ZNF445: variants seen among roughly 807,000 people sequenced by gnomAD.
The protein encoded by ZNF445 is zinc finger protein 168.
ZNF445 carries 19 observed loss-of-function variants against 93.9 expected under a neutral mutation model. The observed-to-expected ratio is 0.20, with a 90% CI of 0.14 to 0.30. The LOEUF (loss-of-function observed/expected upper bound fraction) is 0.30. Among genes scored for constraint, ZNF445 ranks in the 10% least tolerant of loss-of-function variants. The probability of loss-of-function intolerance (pLI) is 1.00; values close to 1 mark genes in which losing one functional copy is unlikely to be tolerated. For synonymous variants in ZNF445, 449 were observed against 446.3 expected (o/e 1.01, Z -0.08); for missense variants, 1,058 against 1,259.4 (o/e 0.84, Z 2.42).
rs1035518314 is a variant in ZNF445, at chr3:44,435,161, A to C, written c.*11414T>G. Reference sequence around the variant, plus strand: ...TATGACTGCATTTTTCCCCACTGCCAATCACCTTTCCCCATGCCTCAGACC... The same window carrying C: ...TATGACTGCATTTTTCCCCACTGCCCATCACCTTTCCCCATGCCTCAGACC... On this transcript the variant is annotated 3_prime_UTR_variant, in exon 8 of 8. Transcript: ENST00000396077. 1 of 152,156 alleles carries C rather than the reference A, an allele frequency of 6.6e-6. No individual in the cohort carries two copies. The highest frequency in any genetic ancestry group is 2.4e-5 in the African/African-American group (1 of 41,432). The allele number at this position is 152,156 out of a possible 1,614,324, so 9.4% of individuals were successfully genotyped here.
intron 2 of ZNF445, among the ~76,000 whole-genome samples, chr3:44,456,400 G>C (rs1698028488): frequency 6.6e-6 from 1 of 152,142 alleles, no homozygotes; most frequent in East Asian, 1.9e-4. Flanking sequence ...CTGGGCAACA[G>C]AGCAAGGGTC....
At position 44,433,734 on chromosome 3, in the gene ZNF445, G is replaced by C. The variant is rs572967417; in HGVS notation, c.*12841C>G. 1 of 152,254 alleles carries C rather than the reference G, an allele frequency of 6.6e-6. No homozygotes were observed. Among genetic ancestry groups the C allele is most frequent in the Admixed American group, 6.5e-5 (1 of 15,294 alleles). The allele number at this position is 152,254 out of a possible 1,614,324, so 9.4% of individuals were successfully genotyped here. A position where few individuals can be genotyped will look rare whatever the true frequency, so the allele number is the denominator to read the frequency against. On this transcript the variant is annotated 3_prime_UTR_variant, in exon 8 of 8. Transcript: ENST00000396077. Reference sequence around the variant, plus strand: ...CGCCATGGCAAAAGCATCTCCATCAGGCAGGACTGGCTTCACAGGCAGGCA... The same window carrying C: ...CGCCATGGCAAAAGCATCTCCATCACGCAGGACTGGCTTCACAGGCAGGCA...
At position 44,448,054 on chromosome 3, in the gene ZNF445, CTT is replaced by C; in HGVS notation, c.1615_1616del (p.Lys539AlafsTer3). The C allele has an allele frequency of 6.2e-7, 1 of 1,612,174 alleles. No homozygotes were observed. The highest frequency in any genetic ancestry group is 8.5e-7 in the Non-Finnish European group (1 of 1,180,008). On this transcript the variant is annotated frameshift_variant, in exon 8 of 8. Transcript: ENST00000396077. LOFTEE classifies it high-confidence loss of function. ...ARHEKIHTGV[K>X]PYKCDLCEKA... ...TCTCACATAAATCGCATTTATAAGGCTTCACTCCAGTGTGAATTTTCTCATGC... is the reference window on the plus strand; with the variant it reads ...TCTCACATAAATCGCATTTATAAGGCCACTCCAGTGTGAATTTTCTCATGC...
chr3:44,453,783 A>G (rs964135767), intron 3 of ZNF445, among the ~76,000 whole-genome samples: 2 of 152,244 alleles, frequency 1.3e-5, no homozygotes, highest in Non-Finnish European at 2.9e-5. Context: ...AGGGCCAGGC[A>G]CATGATAAGC....
At chr3:44,450,413 G>C in intron 6 of ZNF445, 34 bp downstream of exon 6, 1 of 1,613,876 alleles carries the variant, frequency 6.2e-7, no homozygotes. Flanking sequence ...CAGAAATAAA[G>C]ATGGATAGAA....
intron 1 of ZNF445, among the ~76,000 whole-genome samples, chr3:44,464,842 G>A (rs1455799530): frequency 1.3e-5 from 2 of 152,100 alleles, no homozygotes; most frequent in Admixed American, 6.6e-5. Flanking sequence ...TTGGGAGGCC[G>A]AGGTGGGCAG....
intron 1 of ZNF445, among the ~76,000 whole-genome samples, chr3:44,471,991 G>A (rs1698275751): frequency 6.6e-6 from 1 of 152,172 alleles, no homozygotes; most frequent in African/African-American, 2.4e-5. Flanking sequence ...GTGCGTGCCA[G>A]CAGCACAAAA....
In ZNF445 at chr3:44,448,123, C is replaced by T. The variant is rs1437885757; in HGVS notation, c.1548G>A (p.Arg516=). The change falls in exon 8 of 8, where the codon AGG becomes AGA. Residue 516 remains arginine (R), a synonymous_variant. Transcript: ENST00000396077. ...LHTQEKAFKC[R]VCGKAFRWSS... Reference sequence around the variant, plus strand: ...TCCACCGGAAGGCTTTCCCACACACCCTACATTTAAATGCTTTCTCTTGAG... The same window carrying T: ...TCCACCGGAAGGCTTTCCCACACACTCTACATTTAAATGCTTTCTCTTGAG... 6.2e-7 allele frequency: 1 copy of T among 1,614,080 alleles called. No homozygotes were observed. Among genetic ancestry groups the T allele is most frequent in the Admixed American group, 1.7e-5 (1 of 60,016 alleles).
intron 1 of ZNF445, among the ~76,000 whole-genome samples, chr3:44,462,955 A>G (rs983565177): frequency 6.6e-6 from 1 of 151,130 alleles, no homozygotes; most frequent in Admixed American, 6.6e-5. Flanking sequence ...TCTTCTTGGA[A>G]CTTGTTTTAC....
At chr3:44,473,281 C>T (rs139684648) in intron 1 of ZNF445, among the ~76,000 whole-genome samples, 1 of 151,898 alleles carries the variant, frequency 6.6e-6, no homozygotes, top group Non-Finnish European at 1.5e-5. Context: ...ATGGAGAAAC[C>T]CCGTCTCTAC....
chr3:44,447,495 C>T lies in ZNF445; in HGVS notation c.2176G>A (p.Val726Ile). 1 of 1,614,162 alleles carries T rather than the reference C, an allele frequency of 6.2e-7. No homozygotes were observed. The highest frequency in any genetic ancestry group is 8.5e-7 in the Non-Finnish European group (1 of 1,180,034). ...KDFAYRSAFI[V>I]HKKKHAMKRK... ...TTCATGGCATGCTTCTTCTTATGAA[C>T]AATAAAGGCTGACCTATAGGCAAAG... The change falls in exon 8 of 8, where the codon GTT becomes ATT. Residue 726 changes from valine to isoleucine, a missense_variant. Val to Ile is a conservative substitution (Grantham distance 29, BLOSUM62 3). Coordinates refer to ENST00000396077, the MANE Select transcript of ZNF445 (RefSeq NM_181489.6). This position sits in a 1 kb window ranked among gnomAD's most constrained non-coding sequence, Gnocchi z 4.7.
In ZNF445 at chr3:44,432,585, T is replaced by C. The variant is rs1055251818; in HGVS notation, c.*13990A>G. 2.6e-5 allele frequency: 4 copies of C among 152,176 alleles called. No individual in the cohort carries two copies. The highest frequency in any genetic ancestry group is 4.8e-5 in the African/African-American group (2 of 41,416). 9.4% of individuals were successfully genotyped at this position (152,176 alleles called of 1,614,324 possible). A position where few individuals can be genotyped will look rare whatever the true frequency, so the allele number is the denominator to read the frequency against. ...ATGTTCTCCTCAGGTCTTCAGGTGA[T>C]TGGATGAAGCCCACCCACAGATAGA... On this transcript the variant is annotated 3_prime_UTR_variant, in exon 8 of 8. Coordinates refer to ENST00000396077, the MANE Select transcript of ZNF445 (RefSeq NM_181489.6).
chr3:44,455,101 A>G lies in ZNF445; in HGVS notation c.429+20T>C, dbSNP rs1354390361. 6.2e-7 allele frequency: 1 copy of G among 1,613,826 alleles called. No individual in the cohort carries two copies. The highest frequency in any genetic ancestry group is 8.5e-7 in the Non-Finnish European group (1 of 1,179,954). ...TAGCAGGCAGAGTTCCCTGGGCACC[A>G]CACACTTGCTCACACTCACCCTCCA... On this transcript the variant is annotated intron_variant, in intron 3 of 7. Coordinates refer to ENST00000396077, the MANE Select transcript of ZNF445 (RefSeq NM_181489.6).
chr3:44,457,531 G>C (rs1260757387), intron 2 of ZNF445, among the ~76,000 whole-genome samples: 4 of 152,018 alleles, frequency 2.6e-5, no homozygotes, highest in Non-Finnish European at 4.4e-5. Context: ...TAAGTAGCTG[G>C]GATTACAGGC....
Position 44,431,942 on chromosome 3 carries a change from G to C in ZNF445, c.*14633C>G, listed in dbSNP as rs1559384401. On this transcript the variant is annotated 3_prime_UTR_variant, in exon 8 of 8. Coordinates refer to ENST00000396077, the MANE Select transcript of ZNF445 (RefSeq NM_181489.6). ...TTATTTTTTATTTTTTTGAGACAGG[G>C]TCGCTCTGTCTTCTGGGCACCATTT... The C allele has an allele frequency of 1.3e-5, 2 of 151,972 alleles. No individual in the cohort carries two copies. The highest frequency in any genetic ancestry group is 2.9e-5 in the Non-Finnish European group (2 of 67,992). 9.4% of individuals were successfully genotyped at this position (151,972 alleles called of 1,614,324 possible).
At position 44,445,077 on chromosome 3, in the gene ZNF445, C is replaced by G. The variant is rs560123302; in HGVS notation, c.*1498G>C. 1.3e-5 allele frequency: 2 copies of G among 152,342 alleles called. No homozygotes were observed. Among genetic ancestry groups the G allele is most frequent in the South Asian group, 2.1e-4 (1 of 4,830 alleles). 9.4% of individuals were successfully genotyped at this position (152,342 alleles called of 1,614,324 possible). A position where few individuals can be genotyped will look rare whatever the true frequency, so the allele number is the denominator to read the frequency against. ...AACAGGCTGCCTTTTCTCCTGAGAG[C>G]AGCAGGCACATGCACTTGTTCCTTC... On this transcript the variant is annotated 3_prime_UTR_variant, in exon 8 of 8. Transcript: ENST00000396077.
chr3:44,448,790 C>A (rs552630866), intron 7 of ZNF445, 51 bp from the exon 8 acceptor site: 5 of 1,549,344 alleles, frequency 3.2e-6, no homozygotes, highest in Non-Finnish European at 4.3e-6. Flanking sequence ...ATACTTGGAA[C>A]TGCAGAAAGC....
At chr3:44,475,195 C>A (rs534319816) in intron 1 of ZNF445, among the ~76,000 whole-genome samples, 6 of 151,948 alleles carry the variant, frequency 3.9e-5, no homozygotes, top group African/African-American at 1.4e-4. Context: ...TTAGGTATTA[C>A]AGGTTTTGTT....
chr3:44,445,601 GAGA>G lies in ZNF445; in HGVS notation c.*971_*973del, dbSNP rs1378696544. 6.6e-6 allele frequency: 1 copy of G among 152,486 alleles called. No homozygotes were observed. The highest frequency in any genetic ancestry group is 6.5e-5 in the Admixed American group (1 of 15,274). The allele number at this position is 152,486 out of a possible 1,614,324, so 9.4% of individuals were successfully genotyped here. A position where few individuals can be genotyped will look rare whatever the true frequency, so the allele number is the denominator to read the frequency against. On this transcript the variant is annotated 3_prime_UTR_variant, in exon 8 of 8. Transcript: ENST00000396077. ...TCTCCTCTGCCTGCAACTCTCCCTA[GAGA>G]GCTACCTGCTACCTCCCTGGCTTCC... is the stretch of plus-strand genomic sequence containing the variant.
Sources: allele counts gnomAD v4.1 joint callset (sites outside exome capture counted in the v4.1 genomes callset), GRCh38; gene constraint gnomAD v4.1.1; non-coding constraint Gnocchi (gnomAD v3.1); transcripts MANE v1.5; gene names NCBI Gene and HGNC (gene_info 2026-07-23, HGNC 2026-07-21).